Variants in KCNQ5 observed in about 807,000 individuals in gnomAD.
The protein encoded by KCNQ5 is potassium voltage-gated channel subfamily KQT member 5.
KCNQ5 carries 30 observed loss-of-function variants against 98.2 expected under a neutral mutation model. That is an observed-to-expected ratio of 0.31 (90% CI 0.23 to 0.41). The LOEUF is 0.41. Ranked by LOEUF, KCNQ5 falls within the 10% of genes least tolerant of loss-of-function variation. KCNQ5 has a pLI of 1.00. For missense variants in KCNQ5, 835 were observed against 1,182.5 expected (o/e 0.71, Z 4.31); for synonymous variants, 458 against 449.4 (o/e 1.02, Z -0.24).
intron 1 of KCNQ5, among the ~76,000 whole-genome samples, chr6:72,830,698 C>T (rs1051416954): frequency 2.6e-5 from 4 of 152,138 alleles, no homozygotes; most frequent in Admixed American, 2.0e-4. Context: ...GTCTAAAACA[C>T]CAAAAGCAAT....
At chr6:73,183,400 C>G (rs2150516755) in intron 11 of KCNQ5, among the ~76,000 whole-genome samples, 1 of 152,276 alleles carries the variant, frequency 6.6e-6, no homozygotes, top group Admixed American at 6.5e-5. Context: ...TAGCACTGCA[C>G]CAGCCATCCA....
intron 1 of KCNQ5, among the ~76,000 whole-genome samples, chr6:72,625,303 A>G (rs891013365): frequency 3.3e-5 from 5 of 152,214 alleles, no homozygotes; most frequent in Admixed American, 3.3e-4. Flanking sequence ...GCAAGGGATG[A>G]CCTACTTCAA....
At chr6:72,695,084 T>C (rs1441041194) in intron 1 of KCNQ5, among the ~76,000 whole-genome samples, 1 of 152,188 alleles carries the variant, frequency 6.6e-6, no homozygotes, top group Non-Finnish European at 1.5e-5. Flanking sequence ...TATATATACA[T>C]ATACCACATT....
intron 11 of KCNQ5, among the ~76,000 whole-genome samples, chr6:73,180,153 A>G (rs1378911889): frequency 3.9e-5 from 6 of 152,146 alleles, no homozygotes; most frequent in Non-Finnish European, 7.4e-5. Context: ...CGCAGCAACC[A>G]TTGTCTTGCA....
intron 1 of KCNQ5, among the ~76,000 whole-genome samples, chr6:72,858,028 G>T (rs993091150): frequency 6.6e-6 from 1 of 152,108 alleles, no homozygotes; most frequent in Non-Finnish European, 1.5e-5. Flanking sequence ...GTGAAAAATG[G>T]TGTAGAACAA....
intron 1 of KCNQ5, among the ~76,000 whole-genome samples, chr6:72,730,316 T>G (rs984839046): frequency 2.0e-5 from 3 of 152,228 alleles, no homozygotes; most frequent in South Asian, 2.1e-4. Context: ...TTAGATTTTT[T>G]TTTGTTTTCT....
intron 1 of KCNQ5, among the ~76,000 whole-genome samples, chr6:72,863,193 G>A (rs575035116): frequency 1.5e-4 from 23 of 152,178 alleles, no homozygotes; most frequent in African/African-American, 5.5e-4. Context: ...ATGGCCCCAG[G>A]CTTCTAGGAA....
intron 10 of KCNQ5, among the ~76,000 whole-genome samples, chr6:73,154,805 T>C (rs1265832337): frequency 1.3e-5 from 2 of 152,224 alleles, no homozygotes; most frequent in Non-Finnish European, 2.9e-5. Context: ...TTTAAAATGT[T>C]TATAAAAAGT....
chr6:72,861,264 A>G (rs1218169581), intron 1 of KCNQ5, among the ~76,000 whole-genome samples: 1 of 152,204 alleles, frequency 6.6e-6, no homozygotes, highest in Non-Finnish European at 1.5e-5. Context: ...TATGCAGACC[A>G]AGCAGCAAAA....
In KCNQ5 at chr6:73,194,610, T is replaced by C. The variant is rs780283086; in HGVS notation, c.1995T>C (p.Asp665=). ...ATCAAAGCCCTGTGGATAGCAAAGA[T>C]CTTTCGGGTTCCGCACAAAACAGTG... is the stretch of plus-strand genomic sequence containing the variant. ...SDYQSPVDSK[D]LSGSAQNSGC... is the part of the protein sequence containing the mutation. The change falls in exon 14 of 14, where the codon GAT becomes GAC. Residue 665 remains aspartate (D), a synonymous_variant. Transcript: ENST00000370398. The C allele has an allele frequency of 1.9e-6, 3 of 1,614,206 alleles. No homozygotes were observed. The highest frequency in any genetic ancestry group is 1.7e-6 in the Non-Finnish European group (2 of 1,180,036).
chr6:72,658,862 G>A (rs1376467351), intron 1 of KCNQ5, among the ~76,000 whole-genome samples: 1 of 152,056 alleles, frequency 6.6e-6, no homozygotes, highest in East Asian at 1.9e-4. Flanking sequence ...TTACAGGCAT[G>A]AGCCACCTCG....
chr6:72,951,251 T>C (rs1190442650), intron 1 of KCNQ5, among the ~76,000 whole-genome samples: 1 of 152,036 alleles, frequency 6.6e-6, no homozygotes, highest in African/African-American at 2.4e-5. Flanking sequence ...TTTGTTGTTG[T>C]TGATTTTTTG....
chr6:73,162,163 G>A (rs770695774), intron 10 of KCNQ5, among the ~76,000 whole-genome samples: 1 of 151,744 alleles, frequency 6.6e-6, no homozygotes, highest in East Asian at 1.9e-4. Context: ...CTGATCTCAG[G>A]TGATCCACCT....
chr6:72,640,777 T>C (rs965491259), intron 1 of KCNQ5: 8 of 152,136 alleles, frequency 5.3e-5, no homozygotes, highest in South Asian at 2.1e-4. Flanking sequence ...TTCCTCAGGA[T>C]CAAGTACTAT....
chr6:72,961,788 G>A (rs1376366083), intron 1 of KCNQ5, among the ~76,000 whole-genome samples: 1 of 152,068 alleles, frequency 6.6e-6, no homozygotes, highest in Non-Finnish European at 1.5e-5. Context: ...TGTGCATGTG[G>A]AGAAAAGAGG....
intron 5 of KCNQ5, among the ~76,000 whole-genome samples, chr6:73,085,581 G>A (rs751912488): frequency 1.4e-4 from 21 of 152,310 alleles, no homozygotes; most frequent in Non-Finnish European, 1.0e-4. Flanking sequence ...AGCCTGAACC[G>A]GAGTGTAGGG....
At position 72,829,680 on chromosome 6, in the gene KCNQ5, G is replaced by T. The variant is rs1582372322; in HGVS notation, c.399-174228G>T. 2.0e-5 allele frequency among the ~76,000 whole-genome samples: 3 copies of T among 152,172 alleles called. No individual in the cohort carries two copies. In the South Asian group the frequency reaches 6.2e-4, roughly 31 times the overall value. ...TGGACAATTCAGTAGATGCCATAGA[G>T]GTTCTAGGAGAAGGAATGTTTCTGG... On this transcript the variant is annotated intron_variant, in intron 1 of 13. Coordinates refer to ENST00000370398, the MANE Select transcript of KCNQ5 (RefSeq NM_019842.4).
intron 11 of KCNQ5, among the ~76,000 whole-genome samples, chr6:73,170,550 C>A (rs1777972951): frequency 7.7e-6 from 1 of 130,234 alleles, no homozygotes; most frequent in African/African-American, 3.0e-5. Context: ...TCAAGGAATG[C>A]TGAGTAACTA....
chr6:72,907,910 C>T (rs1779766718), intron 1 of KCNQ5, among the ~76,000 whole-genome samples: 1 of 151,966 alleles, frequency 6.6e-6, no homozygotes, highest in Admixed American at 6.6e-5. Context: ...AGAATAAAAA[C>T]TTAGTGGTGC....
Sources: gnomAD v4.1 joint callset for allele counts (sites outside exome capture counted in the v4.1 genomes callset) on GRCh38, gnomAD v4.1.1 for gene constraint, MANE v1.5 for transcripts, NCBI Gene and HGNC (gene_info 2026-07-23, HGNC 2026-07-21) for gene names.